HDAC9: variants seen among roughly 807,000 people sequenced by gnomAD.
HDAC9 encodes histone deacetylase 9.
A neutral mutation model predicts 139.4 loss-of-function variants in HDAC9; 41 were observed. The ratio of observed to expected loss-of-function variants is 0.29; its 90% CI spans 0.23 to 0.38. HDAC9 has a LOEUF of 0.38. Ranked by LOEUF, HDAC9 falls within the 10% of genes least tolerant of loss-of-function variation. The pLI, the probability that HDAC9 is intolerant of heterozygous loss-of-function variation, is 1.00. For missense variants in HDAC9, 1,147 were observed against 1,297.0 expected (o/e 0.88, Z 1.78); for synonymous variants, 517 against 476.2 (o/e 1.09, Z -1.12).
chr7:18,114,150 T>C (rs1783812897), intron 1 of HDAC9, among the ~76,000 whole-genome samples: 1 of 152,204 alleles, frequency 6.6e-6, no homozygotes. Flanking sequence ...TAATTTATGG[T>C]TGCAAGATGA....
At chr7:18,955,598 C>T (rs1783093347) in intron 24 of HDAC9, among the ~76,000 whole-genome samples, 1 of 152,032 alleles carries the variant, frequency 6.6e-6, no homozygotes, top group Non-Finnish European at 1.5e-5. Flanking sequence ...TGATCAATTA[C>T]CAAGGCACAG....
intron 2 of HDAC9, among the ~76,000 whole-genome samples, chr7:18,529,510 T>A (rs1327430368): frequency 6.6e-6 from 1 of 152,188 alleles, no homozygotes; most frequent in Non-Finnish European, 1.5e-5. Context: ...CAAAGTAGAT[T>A]GAGGAAGTTA....
chr7:18,930,092 G>T (rs1000476773), intron 22 of HDAC9, among the ~76,000 whole-genome samples: 6 of 152,082 alleles, frequency 3.9e-5, no homozygotes, highest in Non-Finnish European at 8.8e-5. Context: ...ACATGTGGCT[G>T]CTCCGAGGCA....
chr7:18,995,979 G>A (rs1380703010), intron 25 of HDAC9, 44 bp from the exon 26 acceptor site: 2 of 1,476,706 alleles, frequency 1.4e-6, no homozygotes, highest in African/African-American at 2.8e-5. Flanking sequence ...CAATGTCATT[G>A]TGTACTCTTA....
intron 2 of HDAC9, among the ~76,000 whole-genome samples, chr7:18,234,443 A>C (rs1052426820): frequency 1.3e-5 from 2 of 152,210 alleles, no homozygotes; most frequent in East Asian, 1.9e-4. Flanking sequence ...TTCCTCATTC[A>C]TTCTTTTATT....
chr7:18,789,000 C>T (rs1792063564), intron 16 of HDAC9, among the ~76,000 whole-genome samples: 2 of 151,996 alleles, frequency 1.3e-5, no homozygotes, highest in Admixed American at 1.3e-4. Flanking sequence ...CTGGTTGTCA[C>T]AGGTAGAAGG....
intron 2 of HDAC9, among the ~76,000 whole-genome samples, chr7:18,554,089 A>T (rs1266796639): frequency 6.6e-6 from 1 of 152,206 alleles, no homozygotes; most frequent in East Asian, 1.9e-4. Context: ...GTAAAAAATA[A>T]GTCCATATAT....
intron 24 of HDAC9, among the ~76,000 whole-genome samples, chr7:18,956,681 A>G (rs1783172293): frequency 6.6e-6 from 1 of 152,102 alleles, no homozygotes; most frequent in African/African-American, 2.4e-5. Context: ...TTATTCATGA[A>G]TCTTTGCCAC....
rs574259631 is a variant in HDAC9 at position 18,433,766 on chromosome 7, A to G, written c.-41-62496A>G. Among the ~76,000 whole-genome samples, 10 of 152,360 alleles carry G rather than the reference A, an allele frequency of 6.6e-5. 1 individual carries two copies. In the East Asian group the frequency reaches 1.7e-3, roughly 26 times the overall value. Reference sequence around the variant, plus strand: ...TTGTCAAACACTGCTGAAAGAAGTCAGAGACAGCACAAACAAATGGAAAAG... The same window carrying G: ...TTGTCAAACACTGCTGAAAGAAGTCGGAGACAGCACAAACAAATGGAAAAG... On this transcript the variant is annotated intron_variant, in intron 1 of 3. Coordinates refer to the HDAC9 transcript ENST00000413509.
chr7:18,829,888 G>C (rs1046357975), intron 19 of HDAC9, among the ~76,000 whole-genome samples: 3 of 151,516 alleles, frequency 2.0e-5, no homozygotes, highest in Non-Finnish European at 4.4e-5. Context: ...AGTCAGATGT[G>C]CTGGAAAGAA....
At chr7:18,176,131 T>C (rs927124584) in intron 2 of HDAC9, among the ~76,000 whole-genome samples, 2 of 152,208 alleles carry the variant, frequency 1.3e-5, no homozygotes, top group African/African-American at 4.8e-5. Flanking sequence ...ATGACATTAT[T>C]CATGAGAAAA....
chr7:18,558,511 C>T (rs571801687), intron 2 of HDAC9, among the ~76,000 whole-genome samples: 3 of 152,204 alleles, frequency 2.0e-5, no homozygotes, highest in South Asian at 4.1e-4. Context: ...TGTGCTTAGC[C>T]TAACATACTT....
intron 2 of HDAC9, among the ~76,000 whole-genome samples, chr7:18,202,191 A>C (rs1469661263): frequency 2.0e-5 from 3 of 152,182 alleles, no homozygotes; most frequent in Admixed American, 6.5e-5. Context: ...AATTAAGTAA[A>C]ATTTCAGATC....
intron 22 of HDAC9, among the ~76,000 whole-genome samples, chr7:18,920,398 G>A (rs562048455): frequency 0.014 from 2,190 of 152,180 alleles, 49 homozygotes; most frequent in African/African-American, 0.05. Context: ...TTTGGGCTGA[G>A]ACAATGGGGT....
intron 22 of HDAC9, among the ~76,000 whole-genome samples, chr7:18,921,824 A>C (rs1803762029): frequency 6.6e-6 from 1 of 152,144 alleles, no homozygotes; most frequent in Non-Finnish European, 1.5e-5. Context: ...ACTTGGAACC[A>C]ACCCAAATGT....
intron 15 of HDAC9, among the ~76,000 whole-genome samples, chr7:18,762,609 C>T (rs1312501573): frequency 1.3e-5 from 2 of 152,158 alleles, no homozygotes; most frequent in Admixed American, 1.3e-4. Context: ...TTTACACATG[C>T]TTTATGCAAA....
At chr7:18,948,746 G>C (rs1161307092) in intron 23 of HDAC9, among the ~76,000 whole-genome samples, 1 of 151,968 alleles carries the variant, frequency 6.6e-6, no homozygotes, top group Non-Finnish European at 1.5e-5. Context: ...CAGACATTTT[G>C]GACAACACAT....
intron 6 of HDAC9, among the ~76,000 whole-genome samples, chr7:18,607,742 G>A (rs1356575364): frequency 2.0e-5 from 3 of 152,086 alleles, no homozygotes; most frequent in African/African-American, 7.2e-5. Context: ...TGGACCAAAT[G>A]ATTCCTAAGA....
intron 2 of HDAC9, among the ~76,000 whole-genome samples, chr7:18,534,093 A>C (rs1810003883): frequency 1.3e-5 from 2 of 151,822 alleles, no homozygotes. Flanking sequence ...GTTTGTTTTG[A>C]TCTCTCCTGC....
Sources: gnomAD v4.1 joint callset for allele counts (sites outside exome capture counted in the v4.1 genomes callset) on GRCh38, gnomAD v4.1.1 for gene constraint, MANE v1.5 for transcripts, NCBI Gene and HGNC (gene_info 2026-07-23, HGNC 2026-07-21) for gene names.